Variants in USP47 observed in about 807,000 individuals in gnomAD.
USP47 encodes ubiquitin specific peptidase 47, also known as ubiquitin carboxyl-terminal hydrolase 47.
A neutral mutation model predicts 165.1 loss-of-function variants in USP47; 35 were observed. The observed-to-expected ratio is 0.21, with a 90% CI of 0.16 to 0.28. The LOEUF (loss-of-function observed/expected upper bound fraction) is 0.28, where lower values mean the gene tolerates loss of function less well. Ranked by LOEUF, USP47 falls within the 10% of genes least tolerant of loss-of-function variation. The pLI, the probability that USP47 is intolerant of heterozygous loss-of-function variation, is 1.00. For missense variants in USP47, 1,277 were observed against 1,607.4 expected (o/e 0.79, Z 3.52); for synonymous variants, 531 against 544.5 (o/e 0.98, Z 0.35).
At chr11:11,941,329 T>C (rs1316157658) in intron 19 of USP47, among the ~76,000 whole-genome samples, 1 of 52,664 alleles carries the variant, frequency 1.9e-5, no homozygotes, top group Non-Finnish European at 3.2e-5. Flanking sequence ...GGGTAAGAAG[T>C]GCAGTAGGGA....
chr11:11,853,479 A>C (rs1778156845), intron 1 of USP47, among the ~76,000 whole-genome samples: 1 of 152,204 alleles, frequency 6.6e-6, no homozygotes, highest in Admixed American at 6.5e-5. Flanking sequence ...AAATGATGTG[A>C]TCTTTCACAT....
intron 19 of USP47, 147 bp downstream of exon 19, chr11:11,940,695 T>A (rs1855406710): frequency 1.2e-6 from 1 of 867,430 alleles, no homozygotes. Flanking sequence ...TACCTTCCTT[T>A]GTAGTCAGGT....
chr11:11,951,014 A>C (rs902095323), intron 24 of USP47: 1 of 152,656 alleles, frequency 6.6e-6, no homozygotes, highest in African/African-American at 2.4e-5. Flanking sequence ...GGCTTAAAGA[A>C]TAGAAGTGTA....
In USP47 at chr11:11,958,496, C is replaced by A. The variant is rs1847308274; in HGVS notation, c.*2321C>A. On this transcript the variant is annotated 3_prime_UTR_variant, in exon 28 of 28. Transcript: ENST00000527733. ...AGCATCCATAACCTAACAGGCAGAG[C>A]CCTAGCGATGTGGATCAAGTTTCCT... The A allele has an allele frequency of 6.6e-6, 1 of 152,244 alleles. No individual in the cohort carries two copies. Among genetic ancestry groups the A allele is most frequent in the East Asian group, 1.9e-4 (1 of 5,200 alleles). 9.4% of individuals were successfully genotyped at this position (152,244 alleles called of 1,614,324 possible).
At chr11:11,926,657 T>C (rs114034552) in intron 11 of USP47, among the ~76,000 whole-genome samples, 1,915 of 152,020 alleles carry the variant, frequency 0.013, 39 homozygotes, top group African/African-American at 0.043. Context: ...TCTATTTATT[T>C]CTGCTCTAAT....
At chr11:11,849,409 G>A (rs923198474) in intron 1 of USP47, among the ~76,000 whole-genome samples, 1 of 152,162 alleles carries the variant, frequency 6.6e-6, no homozygotes, top group African/African-American at 2.4e-5. Flanking sequence ...GTGTGCTACT[G>A]ACATCTAGTG....
rs1294587997 is a variant in USP47 at position 11,943,039 on chromosome 11, G to A, written c.3018G>A (p.Arg1006=). The change falls in exon 20 of 28, where the codon AGG becomes AGA. Residue 1006 remains arginine, a synonymous_variant. Coordinates refer to ENST00000527733, the MANE Select transcript of USP47 (RefSeq NM_001282659.2). The part of the protein sequence containing the change: ...DSEYDESGKS[R]GEMQYMYFKA... The stretch of plus-strand genomic sequence containing the variant: ...AATATGATGAGAGTGGCAAGAGTAG[G>A]GGAGAAATGCAGTACATGTATTTCA... 1.2e-6 allele frequency: 2 copies of A among 1,613,484 alleles called. No homozygotes were observed. Among genetic ancestry groups the A allele is most frequent in the Non-Finnish European group, 8.5e-7 (1 of 1,179,604 alleles).
At position 11,956,305 on chromosome 11, in the gene USP47, C is replaced by T. The variant is rs1270097569; in HGVS notation, c.*130C>T. ...TGACACCAGCACTGATTGGACTGCC[C>T]TACACCAATCAGAAGCTCAGTGCCC... On this transcript the variant is annotated 3_prime_UTR_variant, in exon 28 of 28. Transcript: ENST00000527733. The T allele has an allele frequency of 3.0e-5, 26 of 861,034 alleles. No individual in the cohort carries two copies. The highest frequency in any genetic ancestry group is 4.4e-5 in the Non-Finnish European group (25 of 571,854). 53.3% of individuals were successfully genotyped at this position (861,034 alleles called of 1,614,324 possible).
At chr11:11,925,112 G>T (rs1422463365) in intron 11 of USP47, among the ~76,000 whole-genome samples, 16 of 140,960 alleles carry the variant, frequency 1.1e-4, no homozygotes, top group South Asian at 2.3e-4. Flanking sequence ...TTAGTTTTTG[G>T]TTTTTTTTTT....
intron 19 of USP47, among the ~76,000 whole-genome samples, chr11:11,941,086 T>C (rs1486391196): frequency 2.6e-5 from 4 of 152,036 alleles, no homozygotes; most frequent in Middle Eastern, 3.2e-3. Context: ...TATTATTATG[T>C]GTTTGATCAT....
At chr11:11,876,697 G>A (rs751973585) in intron 1 of USP47, among the ~76,000 whole-genome samples, 1 of 152,206 alleles carries the variant, frequency 6.6e-6, no homozygotes, top group Non-Finnish European at 1.5e-5. Flanking sequence ...TCCTCTGAAT[G>A]TGGATTTCTA....
chr11:11,892,984 A>T (rs910671990), intron 4 of USP47, among the ~76,000 whole-genome samples: 6 of 152,162 alleles, frequency 3.9e-5, no homozygotes, highest in South Asian at 2.1e-4. Flanking sequence ...GGCCATGCTT[A>T]TTTTATGGGT....
In USP47 at chr11:11,958,138, G is replaced by T. The variant is rs750047543; in HGVS notation, c.*1963G>T. The T allele has an allele frequency of 5.3e-5, 8 of 152,188 alleles. No individual in the cohort carries two copies. Among genetic ancestry groups the T allele is most frequent in the Non-Finnish European group, 8.8e-5 (6 of 68,034 alleles). The allele number at this position is 152,188 out of a possible 1,614,324, so 9.4% of individuals were successfully genotyped here. A position where few individuals can be genotyped will look rare whatever the true frequency, so the allele number is the denominator to read the frequency against. ...ACTGACTTGCTATCACACAAAAGAGGCAGACTTGTAAACACAATGGGCTTT... is the reference window on the plus strand; with the variant it reads ...ACTGACTTGCTATCACACAAAAGAGTCAGACTTGTAAACACAATGGGCTTT... On this transcript the variant is annotated 3_prime_UTR_variant, in exon 28 of 28. Coordinates refer to ENST00000527733, the MANE Select transcript of USP47 (RefSeq NM_001282659.2).
chr11:11,849,780 C>T (rs2134131458), intron 1 of USP47, among the ~76,000 whole-genome samples: 1 of 152,270 alleles, frequency 6.6e-6, no homozygotes, highest in African/African-American at 2.4e-5. Context: ...TTTACTTTCT[C>T]ATTTTGAAGG....
At chr11:11,947,057 G>A (rs1476444149) in intron 20 of USP47, among the ~76,000 whole-genome samples, 2 of 152,172 alleles carry the variant, frequency 1.3e-5, no homozygotes, top group Admixed American at 1.3e-4. Context: ...TAGAGCCAGG[G>A]AGGTCCAGTG....
At chr11:11,920,869 T>G (rs568838914) in intron 10 of USP47, among the ~76,000 whole-genome samples, 89 of 151,988 alleles carry the variant, frequency 5.9e-4, no homozygotes, top group African/African-American at 2.1e-3. Context: ...CTATAATAAA[T>G]GCAGACAATG....
At chr11:11,923,020 C>T (rs1205299414) in intron 11 of USP47, 129 bp downstream of exon 11, 3 of 398,398 alleles carry the variant, frequency 7.5e-6, no homozygotes, top group Non-Finnish European at 1.2e-5. Flanking sequence ...GTTAAGACTT[C>T]TCAAATATAG....
Position 11,961,013 on chromosome 11 carries a change from T to C in USP47, c.*4838T>C, listed in dbSNP as rs1002478958. Among the ~76,000 whole-genome samples the C allele has an allele frequency of 6.6e-6, 1 of 152,192 alleles. No homozygotes were observed. Among genetic ancestry groups the C allele is most frequent in the Non-Finnish European group, 1.5e-5 (1 of 68,026 alleles). ...ATGCAAATAGCTCCTGTGTCAGAAA[T>C]GCTTTTTGGCTTCAAATAACAGAAA... On this transcript the variant is annotated 3_prime_UTR_variant, in exon 28 of 28. Coordinates refer to ENST00000527733, the MANE Select transcript of USP47 (RefSeq NM_001282659.2).
chr11:11,864,924 G>A (rs1268865339), intron 1 of USP47, among the ~76,000 whole-genome samples: 1 of 152,050 alleles, frequency 6.6e-6, no homozygotes, highest in African/African-American at 2.4e-5. Context: ...CACTGGAAAT[G>A]TAATTCTGGG....
Sources: allele counts gnomAD v4.1 joint callset (sites outside exome capture counted in the v4.1 genomes callset), GRCh38; gene constraint gnomAD v4.1.1; transcripts MANE v1.5; gene names NCBI Gene and HGNC (gene_info 2026-07-23, HGNC 2026-07-21).